The following BACH2 variants were observed in gnomAD, a reference collection of about 807,000 sequenced individuals.
BACH2 encodes transcription regulator protein BACH2.
BACH2 carries 5 observed loss-of-function variants against 61.8 expected under a neutral mutation model. The observed-to-expected ratio is 0.08, with a 90% CI of 0.04 to 0.17. The LOEUF is 0.17. Among genes scored for constraint, BACH2 ranks in the 10% least tolerant of loss-of-function variants. BACH2 has a pLI of 1.00. For missense variants in BACH2, 824 were observed against 1,091.1 expected, an observed-to-expected ratio of 0.76 and a Z score of 3.45; for synonymous variants, 446 against 440.1, an observed-to-expected ratio of 1.01 and a Z score of -0.17.
chr6:90,067,061 CA>C (rs1781000579), intron 5 of BACH2, among the ~76,000 whole-genome samples: 1 of 152,182 alleles, frequency 6.6e-6, no homozygotes, highest in African/African-American at 2.4e-5. Flanking sequence ...ATAGGGAACA[CA>C]TGAATGGTAT....
chr6:90,176,313 G>C (rs776904621), intron 4 of BACH2, among the ~76,000 whole-genome samples: 5 of 152,150 alleles, frequency 3.3e-5, no homozygotes, highest in Non-Finnish European at 5.9e-5. Flanking sequence ...ATTAGTGAAG[G>C]AGGGAGCAAA....
rs199623287 is a variant in BACH2 at position 90,008,879 on chromosome 6, G to T, written c.-12-23C>A. On this transcript the variant is annotated intron_variant, in intron 5 of 8. Coordinates refer to ENST00000257749, the MANE Select transcript of BACH2 (RefSeq NM_021813.4). This position sits in a 1 kb window ranked among gnomAD's most constrained non-coding sequence, Gnocchi z 4.1. ...ACCCTGAAAGAAAGAAAGAAACAAA[G>T]AAAGAAAGAAAGAAAGGCTGAGTCA... 6.3e-7 allele frequency: 1 copy of T among 1,585,388 alleles called. No homozygotes were observed. Among genetic ancestry groups the T allele is most frequent in the African/African-American group, 1.3e-5 (1 of 74,206 alleles).
chr6:90,186,570 C>T (rs140478112), intron 4 of BACH2, among the ~76,000 whole-genome samples: 1 of 152,192 alleles, frequency 6.6e-6, no homozygotes, highest in African/African-American at 2.4e-5. Context: ...TGGCCTAAGT[C>T]TGTTCCTTTC....
chr6:90,220,379 C>T (rs573198649), intron 3 of BACH2, among the ~76,000 whole-genome samples: 4 of 152,230 alleles, frequency 2.6e-5, no homozygotes, highest in Admixed American at 6.5e-5. Flanking sequence ...TGGTTTCTAA[C>T]ATATCAAGAA....
At position 90,069,933 on chromosome 6, in the gene BACH2, G is replaced by A. The variant is rs776455712; in HGVS notation, c.-13+19028C>T. On this transcript the variant is annotated intron_variant, in intron 5 of 8. Transcript: ENST00000257749. Reference sequence around the variant, plus strand: ...TGGGGGCAGGTAAAAGAGAACCTTCGGAGAACTTGACTGGCAGAGGTGGGT... The same window carrying A: ...TGGGGGCAGGTAAAAGAGAACCTTCAGAGAACTTGACTGGCAGAGGTGGGT... 3.2e-4 allele frequency among the ~76,000 whole-genome samples: 48 copies of A among 152,100 alleles called. 3 individuals are homozygous for A. Among genetic ancestry groups the A allele is most frequent in the African/African-American group, 4.8e-5 (2 of 41,412 alleles).
At chr6:90,125,959 G>C (rs1324909150) in intron 4 of BACH2, among the ~76,000 whole-genome samples, 2 of 152,200 alleles carry the variant, frequency 1.3e-5, no homozygotes, top group Non-Finnish European at 2.9e-5. Flanking sequence ...ACCATTCTCT[G>C]CATACAGTAC....
chr6:90,165,071 A>C (rs955496496), intron 4 of BACH2, among the ~76,000 whole-genome samples: 2 of 152,224 alleles, frequency 1.3e-5, no homozygotes, highest in African/African-American at 4.8e-5. Context: ...CAGGGCAATT[A>C]GGCAGGAGAA....
At chr6:90,107,738 T>C (rs1281169668) in intron 4 of BACH2, among the ~76,000 whole-genome samples, 4 of 151,734 alleles carry the variant, frequency 2.6e-5, no homozygotes, top group African/African-American at 9.7e-5. Context: ...TTACTAAATG[T>C]CAACTCACTT....
At chr6:90,158,614 A>G (rs1361948941) in intron 4 of BACH2, among the ~76,000 whole-genome samples, 1 of 152,120 alleles carries the variant, frequency 6.6e-6, no homozygotes, top group Non-Finnish European at 1.5e-5. Context: ...CATGATGTGT[A>G]GTAAGTAACG....
At chr6:90,166,778 C>T (rs564769090) in intron 4 of BACH2, among the ~76,000 whole-genome samples, 45 of 152,068 alleles carry the variant, frequency 3.0e-4, no homozygotes, top group African/African-American at 1.1e-3. Flanking sequence ...AAGCTGGAAA[C>T]CATCATTCTC....
chr6:90,254,421 T>C (rs956906579), intron 2 of BACH2, among the ~76,000 whole-genome samples: 4 of 151,966 alleles, frequency 2.6e-5, no homozygotes, highest in Non-Finnish European at 1.5e-5. Context: ...TCTAAGGGAG[T>C]AGTGATAAAA....
At chr6:90,192,305 C>CTT (rs370512757) in intron 4 of BACH2, among the ~76,000 whole-genome samples, 19 of 143,548 alleles carry the variant, frequency 1.3e-4, no homozygotes, top group Admixed American at 7.6e-4. Context: ...TTCTCGATTC[C>CTT]TTTTTTTTTT....
intron 5 of BACH2, among the ~76,000 whole-genome samples, chr6:90,046,921 A>ATTTCTTTCTTTCTTTC (rs71556551): frequency 8.4e-4 from 127 of 150,498 alleles, no homozygotes; most frequent in African/African-American, 2.1e-3. Flanking sequence ...TGCCCATGTA[A>ATTTCTTTCTTTCTTTC]TTTCTTTCTT....
intron 6 of BACH2, among the ~76,000 whole-genome samples, chr6:89,966,050 A>T (rs1775030715): frequency 6.6e-6 from 1 of 152,232 alleles, no homozygotes; most frequent in African/African-American, 2.4e-5. Context: ...CAGCTTCTCA[A>T]GCAGAGCCCT....
chr6:90,173,809 G>A (rs1271027485), intron 4 of BACH2, among the ~76,000 whole-genome samples: 1 of 152,090 alleles, frequency 6.6e-6, no homozygotes, highest in African/African-American at 2.4e-5. Context: ...TAAAATATGT[G>A]AGTTTGATCA....
chr6:90,003,117 T>G (rs1175971612), intron 6 of BACH2, among the ~76,000 whole-genome samples: 3 of 152,296 alleles, frequency 2.0e-5, no homozygotes, highest in Admixed American at 2.0e-4. Flanking sequence ...CAATTTATTT[T>G]CACGTGGCAC....
At chr6:90,164,002 G>T (rs1336706590) in intron 4 of BACH2, among the ~76,000 whole-genome samples, 1 of 152,122 alleles carries the variant, frequency 6.6e-6, no homozygotes. Context: ...ACAATTAAAA[G>T]AACTAGAGAA....
chr6:90,202,655 A>G (rs1200174090), intron 4 of BACH2, among the ~76,000 whole-genome samples: 1 of 152,210 alleles, frequency 6.6e-6, no homozygotes, highest in Non-Finnish European at 1.5e-5. Flanking sequence ...AATAATGGAA[A>G]AATCAATTAT....
intron 5 of BACH2, among the ~76,000 whole-genome samples, chr6:90,034,026 G>A (rs1397599267): frequency 6.6e-6 from 1 of 152,248 alleles, no homozygotes; most frequent in African/African-American, 2.4e-5. Context: ...TGGAAAAGAA[G>A]ATTAGACCAC....
Sources: gnomAD v4.1 joint callset for allele counts (sites outside exome capture counted in the v4.1 genomes callset) on GRCh38, gnomAD v4.1.1 for gene constraint, Gnocchi (gnomAD v3.1) non-coding constraint, MANE v1.5 for transcripts, NCBI Gene and HGNC (gene_info 2026-07-23, HGNC 2026-07-21) for gene names.